HHIPL1: variants seen among roughly 807,000 people sequenced by gnomAD.
HHIPL1 encodes the protein HHIP like 1.
HHIPL1 carries 43 observed loss-of-function variants against 61.8 expected under a neutral mutation model. The observed-to-expected ratio is 0.70, with a 90% confidence interval of 0.55 to 0.90. HHIPL1 has a LOEUF of 0.90. Ranked by LOEUF, HHIPL1 falls within the 40% of genes least tolerant of loss-of-function variation. The pLI, the probability that HHIPL1 is intolerant of heterozygous loss-of-function variation, is 0.00. For missense variants in HHIPL1, 1,056 were observed against 1,157.7 expected (o/e 0.91, Z 1.28); for synonymous variants, 482 against 515.8 (o/e 0.93, Z 0.89).
rs1439244553 is a variant in HHIPL1, at chr14:99,668,340, T to C, written c.1730+37T>C. ...CCTCCAGGACAGGGAGCTCCTGCTG[T>C]CTGTCAGGCCTCTTAGCTCCACGGG... On this transcript the variant is annotated intron_variant, in intron 7 of 8. Coordinates refer to ENST00000330710, the MANE Select transcript of HHIPL1 (RefSeq NM_001127258.3). This position sits in a 1 kb window ranked among gnomAD's most constrained non-coding sequence, Gnocchi z 4.7. 4.8e-6 allele frequency: 6 copies of C among 1,258,730 alleles called. No homozygotes were observed. Among genetic ancestry groups the C allele is most frequent in the Non-Finnish European group, 7.0e-6 (6 of 856,450 alleles). The allele number at this position is 1,258,730 out of a possible 1,614,324, so 78.0% of individuals were successfully genotyped here. A position where few individuals can be genotyped will look rare whatever the true frequency, so the allele number is the denominator to read the frequency against.
In HHIPL1 at chr14:99,660,195, C is replaced by G. The variant is rs545052809; in HGVS notation, c.1376-85C>G. On this transcript the variant is annotated intron_variant, in intron 4 of 8. Coordinates refer to ENST00000330710, the MANE Select transcript of HHIPL1 (RefSeq NM_001127258.3). The surrounding 1 kb of genome is among the most constrained non-coding windows in gnomAD (Gnocchi z 4.9). ...CCCCTCCCTCCGTGGCCGCCCCACC[C>G]CCGCGGAATCCCTCCGGAATTCTCC... 6.5e-6 allele frequency: 10 copies of G among 1,549,832 alleles called. No homozygotes were observed. In the African/African-American group the frequency reaches 1.4e-4, roughly 21 times the overall value.
intron 4 of HHIPL1, 73 bp downstream of exon 4, chr14:99,659,829 C>A: frequency 1.2e-6 from 1 of 854,554 alleles, no homozygotes; most frequent in Non-Finnish European, 1.5e-6. Flanking sequence ...TGCCGCAGGG[C>A]CTCCCTCGGA....
chr14:99,633,429 C>G, the HHIPL1 span, among the ~76,000 whole-genome samples: 4,025 of 152,296 alleles, frequency 0.026, 93 homozygotes, highest in Middle Eastern at 0.054. Flanking sequence ...GTGACACATG[C>G]CTCCCTGGGG....
At chr14:99,618,887 C>T in the HHIPL1 span, among the ~76,000 whole-genome samples, 1 of 152,232 alleles carries the variant, frequency 6.6e-6, no homozygotes. Flanking sequence ...CTCCTCTCTA[C>T]AGAGCCCAGA....
chr14:99,616,379 T>C, the HHIPL1 span, among the ~76,000 whole-genome samples: 3 of 152,352 alleles, frequency 2.0e-5, no homozygotes, highest in East Asian at 5.8e-4. Flanking sequence ...TAGCATAATA[T>C]GTAAACAATA....
At chr14:99,636,342 C>T in the HHIPL1 span, among the ~76,000 whole-genome samples, 6 of 152,234 alleles carry the variant, frequency 3.9e-5, no homozygotes, top group East Asian at 1.9e-4. Flanking sequence ...TCCTGGTCCA[C>T]GGGGTCCCAC....
At chr14:99,643,606 T>A (rs2055781609), upstream of HHIPL1, among the ~76,000 whole-genome samples, 1 of 152,194 alleles carries the variant, frequency 6.6e-6, no homozygotes, top group Non-Finnish European at 1.5e-5. Flanking sequence ...CAGTTCTGAG[T>A]CCCAGCTGGG....
At chr14:99,640,916 T>G (rs1445912511), upstream of HHIPL1, among the ~76,000 whole-genome samples, 3 of 134,294 alleles carry the variant, frequency 2.2e-5, no homozygotes, top group African/African-American at 8.4e-5. Context: ...AGATAGAGTA[T>G]CTCTCTCTCG....
the HHIPL1 span, among the ~76,000 whole-genome samples, chr14:99,633,735 G>A: frequency 6.6e-6 from 1 of 152,362 alleles, no homozygotes; most frequent in Non-Finnish European, 1.5e-5. Context: ...TCCTTGCTGG[G>A]GCTGGAGCAG....
rs747939564 is a variant in HHIPL1 at position 99,657,021 on chromosome 14, A to G, written c.924A>G (p.Glu308=). The G allele has an allele frequency of 2.5e-6, 4 of 1,611,746 alleles. No homozygotes were observed. The highest frequency in any genetic ancestry group is 1.6e-4 in the Middle Eastern group (1 of 6,064). ...TTAGGATAATCCTGGAGGTCAAAGA[A>G]CCAGCCTCAAACCACAACGGGGGCC... ...SSERIILEVK[E]PASNHNGGQL... is the part of the protein sequence containing the mutation. The change falls in exon 3 of 9, where the codon GAA becomes GAG. Residue 308 remains glutamate, a synonymous_variant. Coordinates refer to ENST00000330710, the MANE Select transcript of HHIPL1 (RefSeq NM_001127258.3).
At chr14:99,626,792 T>C in the HHIPL1 span, among the ~76,000 whole-genome samples, 1 of 152,158 alleles carries the variant, frequency 6.6e-6, no homozygotes, top group Non-Finnish European at 1.5e-5. Context: ...CCAGCTCAGG[T>C]CTTCTGAAAG....
chr14:99,674,347 C>T (rs2056361557), intron 8 of HHIPL1, among the ~76,000 whole-genome samples: 2 of 151,972 alleles, frequency 1.3e-5, no homozygotes, highest in Non-Finnish European at 2.9e-5. Context: ...CTGGGCCAAG[C>T]GTGTCCCCAC....
chr14:99,632,977 C>T, the HHIPL1 span, among the ~76,000 whole-genome samples: 4 of 126,038 alleles, frequency 3.2e-5, no homozygotes, highest in African/African-American at 1.2e-4. Flanking sequence ...TCTGAGGCCT[C>T]ATGGAGCTGA....
the HHIPL1 span, among the ~76,000 whole-genome samples, chr14:99,628,195 C>T: frequency 1.9e-4 from 29 of 152,288 alleles, no homozygotes; most frequent in East Asian, 5.6e-3. Context: ...TGGCAAAGGG[C>T]CCAGATGCTG....
At chr14:99,648,944 T>C (rs2055883736) in intron 1 of HHIPL1, among the ~76,000 whole-genome samples, 1 of 152,188 alleles carries the variant, frequency 6.6e-6, no homozygotes, top group Non-Finnish European at 1.5e-5. Context: ...ATGGGGGCCC[T>C]CCGCCCTGCA....
chr14:99,663,367 A>G (rs1264528256), intron 6 of HHIPL1, among the ~76,000 whole-genome samples: 1 of 152,168 alleles, frequency 6.6e-6, no homozygotes, highest in Non-Finnish European at 1.5e-5. Flanking sequence ...ATGATATGCT[A>G]AACAAGGGGT....
intron 6 of HHIPL1, among the ~76,000 whole-genome samples, chr14:99,664,328 C>T (rs578035754): frequency 2.1e-4 from 32 of 152,328 alleles, no homozygotes; most frequent in African/African-American, 7.5e-4. Context: ...GCCCCCAGCC[C>T]CCACAGCCAT....
chr14:99,640,451 A>G (rs575956266), upstream of HHIPL1, among the ~76,000 whole-genome samples: 28 of 140,546 alleles, frequency 2.0e-4, no homozygotes, highest in African/African-American at 7.0e-4. Context: ...CGCCAAGCTA[A>G]TTTTTGTATT....
intron 1 of HHIPL1, among the ~76,000 whole-genome samples, chr14:99,646,994 C>T (rs1480958085): frequency 2.6e-5 from 4 of 152,148 alleles, no homozygotes; most frequent in African/African-American, 4.8e-5. Context: ...TTCCTTGGCC[C>T]TCACTGGCTG....
Sources: gnomAD v4.1 joint callset for allele counts (sites outside exome capture counted in the v4.1 genomes callset) on GRCh38, gnomAD v4.1.1 for gene constraint, Gnocchi (gnomAD v3.1) non-coding constraint, MANE v1.5 for transcripts, NCBI Gene and HGNC (gene_info 2026-07-23, HGNC 2026-07-21) for gene names.